Variants in AZGP1 observed in about 807,000 individuals in gnomAD.
AZGP1 encodes the protein zinc-alpha-2-glycoprotein.
Under a neutral mutation model 31.5 loss-of-function variants are expected in AZGP1, and 28 were observed. The observed-to-expected ratio is 0.89, with a 90% CI of 0.66 to 1.22. The LOEUF is 1.22. Ranked by LOEUF, AZGP1 falls within the 50% of genes most tolerant of loss-of-function variation. The pLI, the probability that AZGP1 is intolerant of heterozygous loss-of-function variation, is 0.00. For synonymous variants in AZGP1, 135 were observed against 145.4 expected (o/e 0.93, Z 0.51); for missense variants, 361 against 371.8 (o/e 0.97, Z 0.24).
Position 99,967,089 on chromosome 7 carries a change from G to T in AZGP1, c.811C>A (p.Pro271Thr). The T allele has an allele frequency of 6.2e-7, 1 of 1,614,142 alleles. No individual in the cohort carries two copies. Among genetic ancestry groups the T allele is most frequent in the East Asian group, 2.2e-5 (1 of 44,842 alleles). Reference sequence around the variant, plus strand: ...GAGTAGGGGGCTGTGTCCTGCGGGGGCACTGCCACCACCACCCAGGACTGG... The same window carrying T: ...GAGTAGGGGGCTGTGTCCTGCGGGGTCACTGCCACCACCACCCAGGACTGG... ...TYQSWVVVAV[P>T]PQDTAPYSCH... Residue 271 changes from proline (P) to threonine (T), a missense_variant, in exon 4 of 4, where the codon CCC becomes ACC. By Grantham distance (38) the Pro-to-Thr change is conservative (BLOSUM62 -1). Transcript: ENST00000292401.
intron 3 of AZGP1, 191 bp from the exon 4 acceptor site, chr7:99,967,477 C>G (rs1584298550): frequency 4.7e-6 from 3 of 637,354 alleles, no homozygotes; most frequent in Non-Finnish European, 8.1e-6. Context: ...CAATCCCCAC[C>G]TCACCCATGT....
intron 2 of AZGP1, among the ~76,000 whole-genome samples, chr7:99,970,534 A>C (rs1789560646): frequency 6.6e-6 from 1 of 151,966 alleles, no homozygotes; most frequent in Admixed American, 6.6e-5. Flanking sequence ...TGAGCCACCA[A>C]GCCCTGCCTT....
intron 3 of AZGP1, chr7:99,967,615 C>T (rs2115674602): frequency 4.4e-6 from 2 of 456,030 alleles, no homozygotes; most frequent in South Asian, 4.9e-5. Context: ...ATGCCTCTAT[C>T]CAGCAACCAC....
In AZGP1 at chr7:99,968,429, C is replaced by G; in HGVS notation, c.339G>C (p.Gly113=). The change falls in exon 3 of 4, where the codon GGG becomes GGC. Residue 113 remains glycine (G), a splice_region_variant and synonymous_variant. Coordinates refer to ENST00000292401, the MANE Select transcript of AZGP1 (RefSeq NM_001185.4). The part of the protein sequence containing the change: ...DIVEYYNDSN[G]SHVLQGRFGC... Reference sequence around the variant, plus strand: ...CAAACCTTCCCTGCAATACGTGAGACCCTGAAAACTCCCCCGACCCCACAG... The same window carrying G: ...CAAACCTTCCCTGCAATACGTGAGAGCCTGAAAACTCCCCCGACCCCACAG... 1 of 1,613,546 alleles carries G rather than the reference C, an allele frequency of 6.2e-7. No homozygotes were observed. Among genetic ancestry groups the G allele is most frequent in the East Asian group, 2.2e-5 (1 of 44,860 alleles).
chr7:99,968,280 A>G lies in AZGP1; in HGVS notation c.488T>C (p.Ile163Thr). 6.2e-7 allele frequency: 1 copy of G among 1,613,620 alleles called. No individual in the cohort carries two copies. The highest frequency in any genetic ancestry group is 8.5e-7 in the Non-Finnish European group (1 of 1,179,952). The change falls in exon 3 of 4, where the codon ATA (isoleucine) becomes ACA (threonine). Residue 163 changes from isoleucine (I) to threonine (T), a missense_variant. By Grantham distance (89) the Ile-to-Thr change is moderately conservative. Coordinates refer to ENST00000292401, the MANE Select transcript of AZGP1 (RefSeq NM_001185.4). ...AWVPFDPAAQ[I>T]TKQKWEAEPV... ...TTCTGCCTCCCACTTCTGCTTGGTT[A>G]TCTGGGCTGCTGGGTCGAAGGGGAC... is the stretch of plus-strand genomic sequence containing the variant.
At chr7:99,968,834 A>G in intron 2 of AZGP1, 1 of 204,436 alleles carries the variant, frequency 4.9e-6, no homozygotes, top group Non-Finnish European at 9.7e-6. Context: ...ATGGTGGTGC[A>G]TGCCTGTAGC....
intron 2 of AZGP1, 39 bp downstream of exon 2, chr7:99,971,707 G>A (rs781318174): frequency 1.3e-6 from 2 of 1,596,250 alleles, no homozygotes; most frequent in South Asian, 2.3e-5. Flanking sequence ...CTGCCTCTTG[G>A]GTTAGACCTT....
Position 99,972,009 on chromosome 7 carries a change from G to C in AZGP1, c.77-3C>G. ...GATATAGGTCAGAGAGTAACGACCT[G>C]CAAAAGAAAAGATTCTGATGGTTGA... is the stretch of plus-strand genomic sequence containing the variant. On this transcript the variant is annotated splice_region_variant and splice_polypyrimidine_tract_variant and intron_variant, in intron 1 of 3. Transcript: ENST00000292401. The C allele has an allele frequency of 6.3e-7, 1 of 1,598,684 alleles. No individual in the cohort carries two copies. The highest frequency in any genetic ancestry group is 8.5e-7 in the Non-Finnish European group (1 of 1,171,438).
rs758316196 is a variant in AZGP1 at position 99,966,978 on chromosome 7, C to T, written c.*25G>A. ...AAGGGCAGCTACTGGGTCTGAGATC[C>T]CACATTGCCTCCAACCCTTGCTTCC... On this transcript the variant is annotated 3_prime_UTR_variant, in exon 4 of 4. Coordinates refer to ENST00000292401, the MANE Select transcript of AZGP1 (RefSeq NM_001185.4). The T allele has an allele frequency of 3.1e-6, 5 of 1,605,744 alleles. No individual in the cohort carries two copies. The highest frequency in any genetic ancestry group is 3.4e-6 in the Non-Finnish European group (4 of 1,174,930).
chr7:99,968,150 A>T lies in AZGP1; in HGVS notation c.613+5T>A, dbSNP rs1789518833. 7 of 1,613,892 alleles carry T rather than the reference A, an allele frequency of 4.3e-6. No homozygotes were observed. The highest frequency in any genetic ancestry group is 5.9e-6 in the Non-Finnish European group (7 of 1,179,998). On this transcript the variant is annotated splice_donor_5th_base_variant and intron_variant, in intron 3 of 3. Transcript: ENST00000292401. ...CAGTACTGGGGAGCAGGAAGCAGTG[A>T]GTACCTTGCCGGTCCAGGATATTTT...
chr7:99,972,947 C>T (rs1206162287), intron 1 of AZGP1, among the ~76,000 whole-genome samples: 2 of 152,132 alleles, frequency 1.3e-5, no homozygotes, highest in African/African-American at 4.8e-5. Flanking sequence ...GAAACCCCGT[C>T]TCTACTAAGA....
chr7:99,973,319 T>C (rs1789609812), intron 1 of AZGP1, among the ~76,000 whole-genome samples: 2 of 152,236 alleles, frequency 1.3e-5, no homozygotes, highest in South Asian at 4.1e-4. Context: ...GACATTTCCA[T>C]AATAGTTCCA....
rs191199632 is a variant in AZGP1, at chr7:99,970,925, T to C, written c.337+821A>G. On this transcript the variant is annotated intron_variant, in intron 2 of 3. Transcript: ENST00000292401. ...CAGTGTGGTTTAGGAGAAAGAGCAC[T>C]GGGCCGGGGGCACAGGGACCATCTC... is the stretch of plus-strand genomic sequence containing the variant. Among the ~76,000 whole-genome samples the C allele has an allele frequency of 3.3e-5, 5 of 152,308 alleles. No homozygotes were observed. In the South Asian group the frequency reaches 8.3e-4, roughly 25 times the overall value.
rs1390092187 is a variant in AZGP1, at chr7:99,968,284, G to T, written c.484C>A (p.Gln162Lys). 1 of 1,613,674 alleles carries T rather than the reference G, an allele frequency of 6.2e-7. No individual in the cohort carries two copies. Reference sequence around the variant, plus strand: ...GCCTCCCACTTCTGCTTGGTTATCTGGGCTGCTGGGTCGAAGGGGACCCAG... The same window carrying T: ...GCCTCCCACTTCTGCTTGGTTATCTTGGCTGCTGGGTCGAAGGGGACCCAG... ...PAWVPFDPAAQITKQKWEAEP... is the reference protein window; with the variant it reads ...PAWVPFDPAAKITKQKWEAEP... The change falls in exon 3 of 4, where the codon CAG becomes AAG. Residue 162 changes from glutamine to lysine, a missense_variant. Gln to Lys is a moderately conservative substitution (Grantham distance 53, BLOSUM62 1). Coordinates refer to ENST00000292401, the MANE Select transcript of AZGP1 (RefSeq NM_001185.4).
At position 99,968,204 on chromosome 7, in the gene AZGP1, C is replaced by A. The variant is rs375811707; in HGVS notation, c.564G>T (p.Ala188=). The A allele has an allele frequency of 1.2e-5, 19 of 1,613,686 alleles. No individual in the cohort carries two copies. The highest frequency in any genetic ancestry group is 3.4e-6 in the Non-Finnish European group (4 of 1,179,984). Residue 188 remains alanine (A), a synonymous_variant, in exon 3 of 4, where the codon GCG becomes GCT. Transcript: ENST00000292401. The stretch of plus-strand genomic sequence containing the variant: ...TGTATTTCAGGTATTTCCGCAGAGT[C>A]GCAGGGCACTCCTCCTCCAGGTAAG... ...AKAYLEEECP[A]TLRKYLKYSK...
chr7:99,968,393 G>T lies in AZGP1; in HGVS notation c.375C>A (p.Ile125=), dbSNP rs3735450. ...ATGCTCCGCTGCTTCTGTTATTCTC[G>T]ATCTCACAACCAAACCTTCCCTGCA... ...HVLQGRFGCE[I]ENNRSSGAFW... is the part of the protein sequence containing the mutation. Residue 125 remains isoleucine (I), a synonymous_variant, in exon 3 of 4, where the codon ATC becomes ATA. Coordinates refer to ENST00000292401, the MANE Select transcript of AZGP1 (RefSeq NM_001185.4). 1.2e-6 allele frequency: 2 copies of T among 1,613,502 alleles called. No homozygotes were observed. The highest frequency in any genetic ancestry group is 1.7e-6 in the Non-Finnish European group (2 of 1,179,956).
rs1272403828 is a variant in AZGP1, at chr7:99,968,944, C to CA, written c.338-515dup. Among the ~76,000 whole-genome samples the CA allele has an allele frequency of 3.7e-5, 4 of 108,512 alleles. No individual in the cohort carries two copies. The East Asian group carries it at 9.2e-4, about 25-fold the overall frequency. 71.2% of individuals were successfully genotyped at this position (108,512 alleles called of 152,430 possible). On this transcript the variant is annotated intron_variant, in intron 2 of 3. Transcript: ENST00000292401. ...CACTACTGCATTTCAGCCTGGGTGA[C>CA]AGAGTGAGACCCTATCTCAAAAAAA...
chr7:99,974,817 C>A (rs1240233468), intron 1 of AZGP1, among the ~76,000 whole-genome samples: 17 of 151,652 alleles, frequency 1.1e-4, no homozygotes, highest in Admixed American at 1.1e-3. Context: ...ACAAAAAAAT[C>A]AGTAGACCTT....
intron 3 of AZGP1, chr7:99,967,874 C>T: frequency 5.0e-6 from 3 of 597,820 alleles, no homozygotes; most frequent in Non-Finnish European, 8.8e-6. Flanking sequence ...CCCTCACCTC[C>T]CTAACCTCAA....
Sources: allele counts gnomAD v4.1 joint callset (sites outside exome capture counted in the v4.1 genomes callset), GRCh38; gene constraint gnomAD v4.1.1; transcripts MANE v1.5; gene names NCBI Gene and HGNC (gene_info 2026-07-23, HGNC 2026-07-21).